EFCAB5: variants seen among roughly 807,000 people sequenced by gnomAD.
The protein encoded by EFCAB5 is EF-hand calcium-binding domain-containing protein 5.
Under a neutral mutation model 167.9 loss-of-function variants are expected in EFCAB5, and 131 were observed. The observed-to-expected ratio is 0.78, with a 90% CI of 0.68 to 0.90. The LOEUF (loss-of-function observed/expected upper bound fraction) is 0.90, where lower values mean the gene tolerates loss of function less well. EFCAB5 is among the 40% of genes least tolerant of loss of function. EFCAB5 has a pLI of 0.00. For missense variants in EFCAB5, 1,663 were observed against 1,745.2 expected (o/e 0.95, Z 0.84); for synonymous variants, 574 against 602.8 (o/e 0.95, Z 0.70).
At chr17:30,096,675 A>ATTTTTTTTT (rs1411827299) in intron 22 of EFCAB5, among the ~76,000 whole-genome samples, 11 of 71,834 alleles carry the variant, frequency 1.5e-4, no homozygotes, top group African/African-American at 6.0e-4. Context: ...ATATATATAT[A>ATTTTTTTTT]TATTTTTTTT....
intron 19 of EFCAB5, among the ~76,000 whole-genome samples, chr17:30,089,648 C>T (rs914006080): frequency 2.6e-5 from 4 of 152,240 alleles, no homozygotes; most frequent in South Asian, 2.1e-4. Context: ...GCTGTAGGCA[C>T]GGCCTGGCTC....
intron 1 of EFCAB5, among the ~76,000 whole-genome samples, chr17:29,931,653 C>T (rs781483177): frequency 2.4e-4 from 37 of 152,118 alleles, no homozygotes; most frequent in Non-Finnish European, 4.9e-4. Flanking sequence ...AAAGAGAAGG[C>T]AAGTTTCAGA....
At chr17:30,003,191 C>T (rs1297844574) in intron 7 of EFCAB5, among the ~76,000 whole-genome samples, 4 of 151,706 alleles carry the variant, frequency 2.6e-5, no homozygotes, top group Admixed American at 6.6e-5. Flanking sequence ...CTTTTCCACA[C>T]TGATGCTAAG....
intron 20 of EFCAB5, among the ~76,000 whole-genome samples, chr17:30,090,918 A>G (rs2071183962): frequency 6.6e-6 from 1 of 152,218 alleles, no homozygotes; most frequent in Non-Finnish European, 1.5e-5. Flanking sequence ...AGGGCTCATA[A>G]AGGCAAGCTA....
At position 30,107,818 on chromosome 17, in the gene EFCAB5, T is replaced by C; in HGVS notation, c.4322-16T>C. 1.3e-6 allele frequency: 2 copies of C among 1,511,558 alleles called. No homozygotes were observed. The highest frequency in any genetic ancestry group is 1.8e-6 in the Non-Finnish European group (2 of 1,136,672). 93.6% of individuals were successfully genotyped at this position (1,511,558 alleles called of 1,614,324 possible). ...AAACTCTCCACTCTTACTTTTCTTT[T>C]TTTTTCCTGATGCAGATCATTCCCG... On this transcript the variant is annotated splice_polypyrimidine_tract_variant and intron_variant, in intron 22 of 22. Transcript: ENST00000394835.
chr17:29,963,227 C>T lies in EFCAB5; in HGVS notation c.191-5564C>T, dbSNP rs1224061688. Among the ~76,000 whole-genome samples, 9 of 152,190 alleles carry T rather than the reference C, an allele frequency of 5.9e-5. No individual in the cohort carries two copies. The East Asian group carries it at 9.6e-4, about 16-fold the overall frequency. ...AAAGTGCTGGGATTAGAGGCATGAG[C>T]CACCACACCTGGCCAACTGTGGATT... On this transcript the variant is annotated intron_variant, in intron 3 of 22. Transcript: ENST00000394835.
At chr17:30,071,540 C>A (rs1166732100) in intron 14 of EFCAB5, among the ~76,000 whole-genome samples, 3 of 151,836 alleles carry the variant, frequency 2.0e-5, no homozygotes, top group African/African-American at 2.4e-5. Context: ...AACTCTTATA[C>A]CTTGTTGGTG....
At chr17:30,031,011 C>T (rs1359127111) in intron 7 of EFCAB5, among the ~76,000 whole-genome samples, 1 of 152,096 alleles carries the variant, frequency 6.6e-6, no homozygotes, top group Non-Finnish European at 1.5e-5. Flanking sequence ...TGGTGTTCTT[C>T]CAAATACCAA....
chr17:29,969,307 G>T lies in EFCAB5; in HGVS notation c.707G>T (p.Arg236Met), dbSNP rs749481077. The change falls in exon 4 of 23, where the codon AGG becomes ATG. Residue 236 changes from arginine to methionine, a missense_variant. Physicochemically the swap from Arg to Met is moderately conservative, Grantham distance 91. Transcript: ENST00000394835. ...IKDPGMSGYQ[R>M]LMKEVTEDLK... Reference sequence around the variant, plus strand: ...GACCCAGGAATGTCTGGTTACCAGAGGTTGATGAAAGAAGTCACAGAAGAC... The same window carrying T: ...GACCCAGGAATGTCTGGTTACCAGATGTTGATGAAAGAAGTCACAGAAGAC... The T allele has an allele frequency of 1.2e-6, 2 of 1,611,792 alleles. No individual in the cohort carries two copies. Among genetic ancestry groups the T allele is most frequent in the Non-Finnish European group, 1.7e-6 (2 of 1,179,252 alleles).
chr17:30,069,482 C>A (rs944169940), intron 14 of EFCAB5: 1 of 1,591,376 alleles, frequency 6.3e-7, no homozygotes. Flanking sequence ...TGGCGTTCAC[C>A]AGTTAGTTGT....
intron 22 of EFCAB5, among the ~76,000 whole-genome samples, chr17:30,104,036 A>C (rs2071414456): frequency 6.6e-6 from 1 of 152,200 alleles, no homozygotes; most frequent in African/African-American, 2.4e-5. Flanking sequence ...AGAAATTTGC[A>C]TACACATACC....
intron 15 of EFCAB5, among the ~76,000 whole-genome samples, chr17:30,079,350 G>C (rs1201895913): frequency 6.6e-6 from 1 of 151,814 alleles, no homozygotes; most frequent in Non-Finnish European, 1.5e-5. Flanking sequence ...GTGGAAAGAA[G>C]GAATAAAGGC....
intron 8 of EFCAB5, among the ~76,000 whole-genome samples, chr17:30,050,740 A>G (rs2070068022): frequency 6.6e-6 from 1 of 152,220 alleles, no homozygotes; most frequent in Non-Finnish European, 1.5e-5. Context: ...TTTTTCTATA[A>G]TCAAAAAAAT....
Position 30,053,846 on chromosome 17 carries a change from T to C in EFCAB5, c.1892T>C (p.Met631Thr), listed in dbSNP as rs2070176443. Residue 631 changes from methionine to threonine, a missense_variant, in exon 10 of 23, where the codon ATG (methionine) becomes ACG (threonine). Coordinates refer to ENST00000394835, the MANE Select transcript of EFCAB5 (RefSeq NM_198529.4). Reference sequence around the variant, plus strand: ...GTAGCAGAACAAGGATCACGCAGAATGTCAGCTGCAGAACAGGGATCACTC... The same window carrying C: ...GTAGCAGAACAAGGATCACGCAGAACGTCAGCTGCAGAACAGGGATCACTC... ...GSVAEQGSRR[M>T]SAAEQGSLRE... is the part of the protein sequence containing the mutation. The C allele has an allele frequency of 6.2e-7, 1 of 1,613,924 alleles. No homozygotes were observed. Among genetic ancestry groups the C allele is most frequent in the Non-Finnish European group, 8.5e-7 (1 of 1,179,876 alleles).
In EFCAB5 at chr17:30,078,453, T is replaced by G. The variant is rs2070914364; in HGVS notation, c.2976T>G (p.Ser992Arg). Residue 992 changes from serine (S) to arginine (R), a missense_variant, in exon 15 of 23, where the codon AGT becomes AGG. Physicochemically the swap from Ser to Arg is moderately radical, Grantham distance 110 (BLOSUM62 -1). Coordinates refer to ENST00000394835, the MANE Select transcript of EFCAB5 (RefSeq NM_198529.4). ...LHQIQCAAET[S>R]GVSLEPVYSE... The stretch of plus-strand genomic sequence containing the variant: ...AAATCCAATGTGCTGCAGAGACAAG[T>G]GGGGTGTCCCTAGAGCCGGTGTATA... 3 of 1,613,564 alleles carry G rather than the reference T, an allele frequency of 1.9e-6. No individual in the cohort carries two copies. Among genetic ancestry groups the G allele is most frequent in the Non-Finnish European group, 2.5e-6 (3 of 1,179,740 alleles).
intron 7 of EFCAB5, among the ~76,000 whole-genome samples, chr17:30,017,199 C>A (rs2069066118): frequency 2.0e-5 from 3 of 151,626 alleles, no homozygotes. Flanking sequence ...AAAAATCAAT[C>A]CAAAAACCAA....
At chr17:30,021,697 G>A (rs2069184310) in intron 7 of EFCAB5, among the ~76,000 whole-genome samples, 1 of 151,902 alleles carries the variant, frequency 6.6e-6, no homozygotes, top group Admixed American at 6.6e-5. Flanking sequence ...TTCTTACATA[G>A]AAATATTTAT....
rs369999418 is a variant in EFCAB5 at position 30,053,840 on chromosome 17, G to A, written c.1886G>A (p.Arg629His). The change falls in exon 10 of 23, where the codon CGC becomes CAC. Residue 629 changes from arginine to histidine, a missense_variant. By Grantham distance (29) the Arg-to-His change is conservative. Coordinates refer to ENST00000394835, the MANE Select transcript of EFCAB5 (RefSeq NM_198529.4). ...GGGTCAGTAGCAGAACAAGGATCAC[G>A]CAGAATGTCAGCTGCAGAACAGGGA... is the stretch of plus-strand genomic sequence containing the variant. ...HKGSVAEQGS[R>H]RMSAAEQGSL... is the part of the protein sequence containing the mutation. 32 of 1,613,854 alleles carry A rather than the reference G, an allele frequency of 2.0e-5. No individual in the cohort carries two copies. The highest frequency in any genetic ancestry group is 1.3e-4 in the South Asian group (12 of 91,086).
At chr17:29,976,463 AGATG>A (rs1382239371) in intron 4 of EFCAB5, among the ~76,000 whole-genome samples, 1 of 152,230 alleles carries the variant, frequency 6.6e-6, no homozygotes, top group Non-Finnish European at 1.5e-5. Context: ...GTATGTCAAC[AGATG>A]ACAGTGTCAG....
Sources: allele counts gnomAD v4.1 joint callset (sites outside exome capture counted in the v4.1 genomes callset), GRCh38; gene constraint gnomAD v4.1.1; transcripts MANE v1.5; gene names NCBI Gene and HGNC (gene_info 2026-07-23, HGNC 2026-07-21).